TRPM3: variants seen among roughly 807,000 people sequenced by gnomAD.
The protein encoded by TRPM3 is long transient receptor potential channel 3.
In TRPM3, 77 loss-of-function variants were observed where a neutral mutation model predicts 181.2. That is an observed-to-expected ratio of 0.42 (90% CI 0.35 to 0.51). The LOEUF is 0.51. Ranked by LOEUF, TRPM3 falls within the 20% of genes least tolerant of loss-of-function variation. The pLI, the probability that TRPM3 is intolerant of heterozygous loss-of-function variation, is 0.01. For synonymous variants in TRPM3, 745 were observed against 796.4 expected (o/e 0.94, Z 1.09); for missense variants, 1,759 against 2,196.7 (o/e 0.80, Z 3.98).
chr9:70,757,416 C>T (rs967107921), intron 8 of TRPM3, among the ~76,000 whole-genome samples: 1 of 152,166 alleles, frequency 6.6e-6, no homozygotes, highest in African/African-American at 2.4e-5. Flanking sequence ...CAAAGAGGAG[C>T]TGGTACCATT....
At chr9:71,139,216 C>T (rs1275800477) in intron 1 of TRPM3, among the ~76,000 whole-genome samples, 1 of 152,090 alleles carries the variant, frequency 6.6e-6, no homozygotes, top group African/African-American at 2.4e-5. Flanking sequence ...TTGATGGGAA[C>T]AGCATATTAG....
rs757482253 is a variant in TRPM3 at position 71,121,181 on chromosome 9, CAGAAGTCTGACAGATGGA to C, written c.156_173del (p.Pro53_Leu58del). 6.2e-7 allele frequency: 1 copy of C among 1,613,132 alleles called. No individual in the cohort carries two copies. The highest frequency in any genetic ancestry group is 8.5e-7 in the Non-Finnish European group (1 of 1,179,644). On this transcript the variant is annotated inframe_deletion, in exon 1 of 26. Coordinates refer to ENST00000677713, the MANE Select transcript of TRPM3 (RefSeq NM_001366145.2). Reference sequence around the variant, plus strand: ...TCAAAGCTGCAAGTTACAGTACCTTCAGAAGTCTGACAGATGGAAGAAAGGCTGCGTGGCACAGCTTCC... The same window carrying C: ...TCAAAGCTGCAAGTTACAGTACCTTCAGAAAGGCTGCGTGGCACAGCTTCC...
chr9:71,389,741 C>T (rs1221404949), intron 1 of TRPM3, among the ~76,000 whole-genome samples: 1 of 151,954 alleles, frequency 6.6e-6, no homozygotes, highest in Non-Finnish European at 1.5e-5. Context: ...GAATGGAAAA[C>T]CAAAGACCAT....
chr9:71,348,457 A>ATT lies in TRPM3; in HGVS notation c.183+98194_183+98195dup, dbSNP rs11314389. Among the ~76,000 whole-genome samples the ATT allele has an allele frequency of 4.9e-3, 721 of 147,668 alleles. 4 individuals carry two copies. The highest frequency in any genetic ancestry group is 0.021 in the East Asian group (107 of 5,124). On this transcript the variant is annotated intron_variant, in intron 1 of 24. Transcript: ENST00000357533. ...CCAGAAAGAAAAGCAGACTTTTCCC[A>ATT]TTTTTTTTTTTTGCAGATAGAGAAA...
At chr9:71,019,466 A>G (rs1395469233) in intron 1 of TRPM3, among the ~76,000 whole-genome samples, 2 of 152,056 alleles carry the variant, frequency 1.3e-5, no homozygotes, top group Non-Finnish European at 2.9e-5. Flanking sequence ...ACTGAGTAAA[A>G]TTTTTTAAAG....
chr9:71,298,380 A>C (rs556420376), intron 1 of TRPM3, among the ~76,000 whole-genome samples: 1 of 152,230 alleles, frequency 6.6e-6, no homozygotes, highest in Non-Finnish European at 1.5e-5. Flanking sequence ...AGCTCAAGGG[A>C]TGAATATGGT....
chr9:70,565,164 TAA>T (rs2050221133), intron 22 of TRPM3, among the ~76,000 whole-genome samples: 1 of 152,250 alleles, frequency 6.6e-6, no homozygotes, highest in Admixed American at 6.5e-5. Flanking sequence ...AGGAATATGA[TAA>T]AATAGTTGGG....
At chr9:70,876,416 A>C (rs190804304) in intron 1 of TRPM3, among the ~76,000 whole-genome samples, 494 of 151,480 alleles carry the variant, frequency 3.3e-3, no homozygotes, top group Admixed American at 4.7e-3. Context: ...GTATCACTAT[A>C]CATTATATGT....
At chr9:71,306,982 A>C (rs2087406817) in intron 1 of TRPM3, among the ~76,000 whole-genome samples, 1 of 152,232 alleles carries the variant, frequency 6.6e-6, no homozygotes, top group Non-Finnish European at 1.5e-5. Flanking sequence ...TTACTACAAA[A>C]CTTAACACTT....
At chr9:70,660,748 A>G (rs566180446) in intron 9 of TRPM3, among the ~76,000 whole-genome samples, 1 of 152,272 alleles carries the variant, frequency 6.6e-6, no homozygotes, top group African/African-American at 2.4e-5. Context: ...GAAGAAATAG[A>G]AACCCTGAAA....
intron 1 of TRPM3, among the ~76,000 whole-genome samples, chr9:71,272,638 T>C (rs2083890111): frequency 6.6e-6 from 1 of 152,174 alleles, no homozygotes; most frequent in Admixed American, 6.5e-5. Flanking sequence ...AGTTTATTTC[T>C]AGATTATAAT....
intron 1 of TRPM3, among the ~76,000 whole-genome samples, chr9:70,888,108 A>G (rs2096123184): frequency 6.6e-6 from 1 of 152,180 alleles, no homozygotes; most frequent in Admixed American, 6.5e-5. Context: ...TGCCTCTGGC[A>G]CAGATTGTAG....
chr9:70,912,682 A>G (rs2096550097), intron 1 of TRPM3, among the ~76,000 whole-genome samples: 2 of 152,188 alleles, frequency 1.3e-5, no homozygotes, highest in Non-Finnish European at 2.9e-5. Context: ...GCTTGAGAAA[A>G]CAGACTTGAA....
chr9:71,066,610 G>T (rs2061960587), intron 1 of TRPM3, among the ~76,000 whole-genome samples: 1 of 152,104 alleles, frequency 6.6e-6, no homozygotes, highest in Non-Finnish European at 1.5e-5. Flanking sequence ...ACAGAGTGGG[G>T]TCACATTTCA....
intron 1 of TRPM3, among the ~76,000 whole-genome samples, chr9:71,328,806 A>G (rs952088232): frequency 6.6e-6 from 1 of 152,208 alleles, no homozygotes; most frequent in African/African-American, 2.4e-5. Flanking sequence ...TTTATGTCTA[A>G]TGTACTGCAT....
chr9:71,313,148 G>A (rs1430577107), intron 1 of TRPM3, among the ~76,000 whole-genome samples: 1 of 152,150 alleles, frequency 6.6e-6, no homozygotes, highest in East Asian at 1.9e-4. Context: ...TGCATATGTG[G>A]AGGAAGGTGG....
chr9:71,349,336 G>C (rs1043972102), intron 1 of TRPM3, among the ~76,000 whole-genome samples: 7 of 152,186 alleles, frequency 4.6e-5, no homozygotes, highest in South Asian at 2.1e-4. Context: ...CAGTAGAAGA[G>C]AGGCAATCTG....
chr9:70,598,702 C>T, intron 20 of TRPM3, 32 bp from the exon 21 acceptor site: 1 of 1,599,480 alleles, frequency 6.3e-7, no homozygotes, highest in Non-Finnish European at 8.5e-7. Flanking sequence ...AGAGTTAGGT[C>T]TGGTTTCTGT....
At chr9:71,288,938 A>C (rs1239881242) in intron 1 of TRPM3, among the ~76,000 whole-genome samples, 1 of 152,114 alleles carries the variant, frequency 6.6e-6, no homozygotes, top group Non-Finnish European at 1.5e-5. Context: ...AGGGGGGAAA[A>C]AAAATTCCCA....
Sources: allele counts gnomAD v4.1 joint callset (sites outside exome capture counted in the v4.1 genomes callset), GRCh38; gene constraint gnomAD v4.1.1; transcripts MANE v1.5; gene names NCBI Gene and HGNC (gene_info 2026-07-23, HGNC 2026-07-21).